ATXN1: variants seen among roughly 807,000 people sequenced by gnomAD.
ATXN1 encodes ataxin-1.
ATXN1 carries 8 observed loss-of-function variants against 56.4 expected under a neutral mutation model. The observed-to-expected ratio is 0.14, with a 90% CI of 0.08 to 0.26. ATXN1 has a LOEUF of 0.26. Ranked by LOEUF, ATXN1 falls within the 10% of genes least tolerant of loss-of-function variation. The probability of loss-of-function intolerance (pLI) is 1.00; values close to 1 mark genes in which losing one functional copy is unlikely to be tolerated. For synonymous variants in ATXN1, 514 were observed against 494.6 expected (o/e 1.04, Z -0.52); for missense variants, 987 against 1,106.5 (o/e 0.89, Z 1.53).
At chr6:16,337,490 A>G (rs1411955945) in intron 6 of ATXN1, among the ~76,000 whole-genome samples, 2 of 152,232 alleles carry the variant, frequency 1.3e-5, no homozygotes, top group Non-Finnish European at 2.9e-5. Context: ...CGGCCTGCCC[A>G]TGCCGGAATT....
At chr6:16,621,864 G>C (rs1763326080) in intron 3 of ATXN1, among the ~76,000 whole-genome samples, 1 of 152,212 alleles carries the variant, frequency 6.6e-6, no homozygotes, top group Non-Finnish European at 1.5e-5. Context: ...AACAGGCTTT[G>C]GTGTCAGGCA....
chr6:16,714,008 T>C (rs1254407068), intron 2 of ATXN1, among the ~76,000 whole-genome samples: 1 of 151,906 alleles, frequency 6.6e-6, no homozygotes, highest in Admixed American at 6.6e-5. Context: ...ATACAAAAAT[T>C]AGCCAGGCGT....
chr6:16,728,505 C>A (rs926235668), intron 2 of ATXN1, among the ~76,000 whole-genome samples: 1 of 152,304 alleles, frequency 6.6e-6, no homozygotes, highest in African/African-American at 2.4e-5. Flanking sequence ...TTCTACAACT[C>A]AAGGTCTCCC....
At chr6:16,702,271 T>G (rs915136710) in intron 2 of ATXN1, among the ~76,000 whole-genome samples, 4 of 152,234 alleles carry the variant, frequency 2.6e-5, no homozygotes, top group Non-Finnish European at 5.9e-5. Context: ...CTGGGAAAAC[T>G]GGCTAGCCAT....
chr6:16,515,715 G>A (rs908798033), intron 5 of ATXN1, among the ~76,000 whole-genome samples: 3 of 152,084 alleles, frequency 2.0e-5, no homozygotes, highest in Admixed American at 6.5e-5. Flanking sequence ...CAGCATATGC[G>A]TGGCCCCTGT....
At chr6:16,345,042 C>A (rs79006912) in intron 6 of ATXN1, among the ~76,000 whole-genome samples, 1,601 of 152,294 alleles carry the variant, frequency 0.011, 32 homozygotes, top group African/African-American at 0.036. Context: ...GGTTACTGTT[C>A]TTATCTTGTG....
chr6:16,669,494 A>G (rs1174206895), intron 2 of ATXN1, among the ~76,000 whole-genome samples: 1 of 152,140 alleles, frequency 6.6e-6, no homozygotes, highest in Non-Finnish European at 1.5e-5. Context: ...ACTTATGGCA[A>G]CAATTATAGT....
chr6:16,336,048 A>G (rs986242117), intron 6 of ATXN1, among the ~76,000 whole-genome samples: 3 of 152,248 alleles, frequency 2.0e-5, no homozygotes, highest in South Asian at 4.1e-4. Context: ...CAATCCAAAT[A>G]TCTTCCATTT....
chr6:16,413,182 A>G (rs550228871), intron 6 of ATXN1, among the ~76,000 whole-genome samples: 14 of 152,346 alleles, frequency 9.2e-5, no homozygotes, highest in Admixed American at 5.9e-4. Flanking sequence ...ACAAAGTAGA[A>G]ATGATGACTC....
chr6:16,740,064 G>A (rs1760278578), intron 2 of ATXN1: 1 of 300,196 alleles, frequency 3.3e-6, no homozygotes, highest in Admixed American at 3.8e-5. Context: ...CTTGTTTGCA[G>A]TTTCACTAAT....
chr6:16,668,173 GT>G (rs887946460), intron 2 of ATXN1, among the ~76,000 whole-genome samples: 1 of 151,906 alleles, frequency 6.6e-6, no homozygotes, highest in Non-Finnish European at 1.5e-5. Flanking sequence ...ACACTGGCAT[GT>G]TTTTTTTGTT....
At position 16,327,861 on chromosome 6, in the gene ATXN1, TG is replaced by T; in HGVS notation, c.449del (p.Pro150GlnfsTer38). 6.2e-7 allele frequency: 1 copy of T among 1,607,124 alleles called. No homozygotes were observed. ...CTGCACTGGTGACGGGGTTGGCGGT[TG>T]GGGGGATCAGCTGTGATGGGATGAA... ...ASFIPSQLIP[P>X]TANPVTSAVA... On this transcript the variant is annotated frameshift_variant, in exon 7 of 8. Coordinates refer to ENST00000436367, the MANE Select transcript of ATXN1 (RefSeq NM_001128164.2). LOFTEE classifies it high-confidence loss of function.
At chr6:16,754,690 G>A (rs1276510340) in intron 1 of ATXN1, 3 of 152,206 alleles carry the variant, frequency 2.0e-5, no homozygotes, top group South Asian at 2.1e-4. Context: ...ATTGCCTGCC[G>A]AGGACTGATA....
intron 2 of ATXN1, among the ~76,000 whole-genome samples, chr6:16,673,880 G>C (rs781097173): frequency 6.6e-6 from 1 of 152,084 alleles, no homozygotes; most frequent in Non-Finnish European, 1.5e-5. Flanking sequence ...TTGCTACCTT[G>C]TTTTCCCATT....
At chr6:16,573,727 C>G (rs772666383) in intron 4 of ATXN1, among the ~76,000 whole-genome samples, 3 of 152,214 alleles carry the variant, frequency 2.0e-5, no homozygotes, top group Non-Finnish European at 2.9e-5. Flanking sequence ...CCGCTGGCCC[C>G]TCCAACATAT....
chr6:16,715,448 G>T (rs1428956822), intron 2 of ATXN1, among the ~76,000 whole-genome samples: 1 of 152,118 alleles, frequency 6.6e-6, no homozygotes, highest in Non-Finnish European at 1.5e-5. Context: ...CAACGGCAGT[G>T]GTTCCCAACA....
At chr6:16,557,564 AAT>A (rs1024186275) in intron 4 of ATXN1, among the ~76,000 whole-genome samples, 5 of 152,196 alleles carry the variant, frequency 3.3e-5, no homozygotes, top group African/African-American at 1.2e-4. Context: ...TGGCCATAAC[AAT>A]GATATAAAAA....
chr6:16,464,520 T>C (rs912938250), intron 6 of ATXN1, among the ~76,000 whole-genome samples: 7 of 152,084 alleles, frequency 4.6e-5, no homozygotes, highest in Non-Finnish European at 1.0e-4. Context: ...ACTCTTTGGG[T>C]CCATGCCATC....
intron 2 of ATXN1, among the ~76,000 whole-genome samples, chr6:16,696,844 C>G (rs1008988119): frequency 6.6e-6 from 1 of 152,226 alleles, no homozygotes; most frequent in Non-Finnish European, 1.5e-5. Flanking sequence ...TTCTCCCCTT[C>G]TCATTTCCAA....
Sources: gnomAD v4.1 joint callset for allele counts (sites outside exome capture counted in the v4.1 genomes callset) on GRCh38, gnomAD v4.1.1 for gene constraint, MANE v1.5 for transcripts, NCBI Gene and HGNC (gene_info 2026-07-23, HGNC 2026-07-21) for gene names.